The following CRLF1 variants were observed in gnomAD, a reference collection of about 807,000 sequenced individuals.
CRLF1 encodes cytokine receptor like factor 1.
Under a neutral mutation model 48.9 loss-of-function variants are expected in CRLF1, and 36 were observed. The observed-to-expected ratio is 0.74, with a 90% CI of 0.56 to 0.97. CRLF1 has a LOEUF of 0.97. Among genes scored for constraint, CRLF1 ranks in the 50% least tolerant of loss-of-function variants. The pLI is 0.00. For missense variants in CRLF1, 534 were observed against 575.1 expected, an observed-to-expected ratio of 0.93 and a Z score of 0.73; for synonymous variants, 256 against 253.4, an observed-to-expected ratio of 1.01 and a Z score of -0.10.
At chr19:18,599,472 C>A (rs1047249834) in intron 2 of CRLF1, 93 bp downstream of exon 2, 1 of 1,558,774 alleles carries the variant, frequency 6.4e-7, no homozygotes, top group Non-Finnish European at 8.8e-7. Context: ...CACAGCTCAT[C>A]CCCAGGCCAG....
chr19:18,597,092 G>A (rs1488910202), intron 4 of CRLF1, 43 bp from the exon 5 acceptor site: 2 of 1,591,236 alleles, frequency 1.3e-6, no homozygotes, highest in East Asian at 2.3e-5. Context: ...GGACTGTCTG[G>A]GTTTAACTCC....
Position 18,598,586 on chromosome 19 carries a change from G to C in CRLF1, c.543C>G (p.Asp181Glu), listed in dbSNP as rs767947330. 8.7e-6 allele frequency: 14 copies of C among 1,613,900 alleles called. No individual in the cohort carries two copies. Among genetic ancestry groups the C allele is most frequent in the Admixed American group, 8.3e-5 (5 of 60,002 alleles). ...LKYKLRWYGQ[D>E]NTCEEYHTVG... ...CTGTGTGGTACTCCTCACATGTGTT[G>C]TCCTGGCCATACCACCTGCGGGGAT... The change falls in exon 4 of 9, where the codon GAC becomes GAG. Residue 181 changes from aspartate (D) to glutamate (E), a missense_variant. This residue lies in a region of CRLF1 where 528 missense variants were observed against 555.7 expected (regional missense o/e 0.95). Transcript: ENST00000392386.
chr19:18,600,391 C>T (rs1420898154), intron 1 of CRLF1, among the ~76,000 whole-genome samples: 3 of 146,362 alleles, frequency 2.0e-5, no homozygotes, highest in East Asian at 2.0e-4. Context: ...TTTTTTGAGA[C>T]GCAGTCTTGC....
intron 8 of CRLF1, 148 bp downstream of exon 8, chr19:18,593,917 C>G: frequency 6.8e-7 from 1 of 1,468,410 alleles, no homozygotes; most frequent in South Asian, 1.4e-5. Context: ...TAAGTAAATG[C>G]TGATGAATAA....
intron 6 of CRLF1, 104 bp downstream of exon 6, chr19:18,596,518 G>T: frequency 2.2e-6 from 3 of 1,369,364 alleles, no homozygotes; most frequent in East Asian, 2.4e-5. Context: ...ACAGAATGAG[G>T]CCGTGTCTCA....
At position 18,599,641 on chromosome 19, in the gene CRLF1, C is replaced by T. The variant is rs765081779; in HGVS notation, c.321G>A (p.Arg107=). The T allele has an allele frequency of 4.3e-6, 7 of 1,613,512 alleles. No homozygotes were observed. Among genetic ancestry groups the T allele is most frequent in the Non-Finnish European group, 5.9e-6 (7 of 1,179,978 alleles). Residue 107 remains arginine (R), a synonymous_variant, in exon 2 of 9, where the codon AGG becomes AGA. Coordinates refer to ENST00000392386, the MANE Select transcript of CRLF1 (RefSeq NM_004750.5). ...ACACGAGGTTGTCCCCCGACCGCTG[C>T]CTGGACCCATTGAGGTTGGCCAGGG... is the stretch of plus-strand genomic sequence containing the variant. ...ALALANLNGS[R]QRSGDNLVCH... is the part of the protein sequence containing the mutation.
At position 18,593,571 on chromosome 19, in the gene CRLF1, T is replaced by G; in HGVS notation, c.1264A>C (p.Arg422=). 1.9e-6 allele frequency: 3 copies of G among 1,609,830 alleles called. No individual in the cohort carries two copies. Among genetic ancestry groups the G allele is most frequent in the Non-Finnish European group, 2.5e-6 (3 of 1,178,544 alleles). Residue 422 remains arginine, a synonymous_variant, in exon 9 of 9, where the codon AGA becomes CGA. Transcript: ENST00000392386. Reference sequence around the variant, plus strand: ...GTGGCCTGAGCCCCTACAGCTTATCTGGCAGGACCTGCAGGCAGAGGGGAA... The same window carrying G: ...GTGGCCTGAGCCCCTACAGCTTATCGGGCAGGACCTGCAGGCAGAGGGGAA... ...GRRGTARGPA[R]
intron 4 of CRLF1, 43 bp downstream of exon 4, chr19:18,598,389 G>T: frequency 6.3e-7 from 1 of 1,579,080 alleles, no homozygotes. Flanking sequence ...CGGTGGGTGG[G>T]GCTGGTGCCG....
chr19:18,593,914 A>G, intron 8 of CRLF1, 151 bp downstream of exon 8: 1 of 1,465,276 alleles, frequency 6.8e-7, no homozygotes, highest in Non-Finnish European at 9.1e-7. Context: ...TGCTAAGTAA[A>G]TGCTGATGAA....
chr19:18,594,032 T>TTGGCCG, intron 8 of CRLF1, 33 bp downstream of exon 8: 3 of 695,808 alleles, frequency 4.3e-6, no homozygotes, highest in Non-Finnish European at 6.6e-6. Flanking sequence ...CTCCCCTTGC[T>TTGGCCG]CCCTCCCGCC....
At chr19:18,594,032 T>TGTGGGGG in intron 8 of CRLF1, 33 bp downstream of exon 8, 3 of 695,808 alleles carry the variant, frequency 4.3e-6, no homozygotes, top group East Asian at 4.7e-5. Flanking sequence ...CTCCCCTTGC[T>TGTGGGGG]CCCTCCCGCC....
intron 2 of CRLF1, 116 bp from the exon 3 acceptor site, chr19:18,599,017 A>C: frequency 1.3e-6 from 2 of 1,555,176 alleles, no homozygotes; most frequent in South Asian, 2.5e-5. Context: ...GAGGGCAGAC[A>C]GGACAGTCTC....
Position 18,593,472 on chromosome 19 carries a change from A to T in CRLF1, c.*94T>A. The T allele has an allele frequency of 6.4e-7, 1 of 1,557,948 alleles. No individual in the cohort carries two copies. The highest frequency in any genetic ancestry group is 8.7e-7 in the Non-Finnish European group (1 of 1,144,994). On this transcript the variant is annotated 3_prime_UTR_variant, in exon 9 of 9. Coordinates refer to ENST00000392386, the MANE Select transcript of CRLF1 (RefSeq NM_004750.5). ...CCCCAGCTCCTGCTGAGGGTGGCTCAGGTGCCCTGAAGTGAGGGTACAGAG... is the reference window on the plus strand; with the variant it reads ...CCCCAGCTCCTGCTGAGGGTGGCTCTGGTGCCCTGAAGTGAGGGTACAGAG...
intron 6 of CRLF1, among the ~76,000 whole-genome samples, chr19:18,595,495 A>G (rs572383891): frequency 4.6e-5 from 7 of 152,268 alleles, no homozygotes; most frequent in Non-Finnish European, 8.8e-5. Context: ...CTAAGTTTAG[A>G]CCTGTGTGAC....
intron 7 of CRLF1, 29 bp from the exon 8 acceptor site, chr19:18,594,136 G>T: frequency 6.3e-7 from 1 of 1,585,156 alleles, no homozygotes; most frequent in Non-Finnish European, 8.6e-7. Context: ...CAGAGGTGTC[G>T]TGGGGGCTGC....
chr19:18,599,518 T>A, intron 2 of CRLF1, 47 bp downstream of exon 2: 2 of 1,610,144 alleles, frequency 1.2e-6, no homozygotes, highest in South Asian at 2.2e-5. Context: ...CAGAGGGAGA[T>A]GCCGCTCCCA....
At chr19:18,593,841 C>G (rs1291666765) in intron 8 of CRLF1, 1 of 985,320 alleles carries the variant, frequency 1.0e-6, no homozygotes, top group African/African-American at 1.7e-5. Flanking sequence ...GATTCCACTT[C>G]GGACATTTTC....
At chr19:18,593,765 G>A (rs1048598592) in intron 8 of CRLF1, 186 bp from the exon 9 acceptor site, 98 of 985,188 alleles carry the variant, frequency 9.9e-5, no homozygotes, top group Non-Finnish European at 1.2e-4. Context: ...ACTTGGCGCG[G>A]AGCCAGTATG....
At chr19:18,593,675 C>T in intron 8 of CRLF1, 96 bp from the exon 9 acceptor site, 1 of 1,547,152 alleles carries the variant, frequency 6.5e-7, no homozygotes, top group Non-Finnish European at 8.7e-7. Context: ...CCTGTCCCCA[C>T]CGCTTCTGGC....
Sources: gnomAD v4.1 joint callset for allele counts (sites outside exome capture counted in the v4.1 genomes callset) on GRCh38, gnomAD v4.1.1 for gene constraint, gnomAD v4.1.1 regional missense constraint, MANE v1.5 for transcripts, NCBI Gene and HGNC (gene_info 2026-07-23, HGNC 2026-07-21) for gene names.